The following RALGDS variants were observed in gnomAD, a reference collection of about 807,000 sequenced individuals.
The protein encoded by RALGDS is ral guanine nucleotide exchange factor.
RALGDS carries 44 observed loss-of-function variants against 99.8 expected under a neutral mutation model. The observed-to-expected ratio is 0.44, with a 90% CI of 0.35 to 0.57. RALGDS has a LOEUF of 0.57. Among genes scored for constraint, RALGDS ranks in the 20% least tolerant of loss-of-function variants. RALGDS has a pLI of 0.01. For missense variants in RALGDS, 1,022 were observed against 1,203.1 expected (o/e 0.85, Z 2.23); for synonymous variants, 529 against 505.0 (o/e 1.05, Z -0.64).
In RALGDS at chr9:133,108,981, T is replaced by C. The variant is rs1328282288; in HGVS notation, c.585-115A>G. Reference sequence around the variant, plus strand: ...CCACCTGCCCCGGCCCAAGCCCCCTTGGCTGTCCAGCTAAAAGAACCAAGG... The same window carrying C: ...CCACCTGCCCCGGCCCAAGCCCCCTCGGCTGTCCAGCTAAAAGAACCAAGG... On this transcript the variant is annotated intron_variant, in intron 4 of 17. Transcript: ENST00000372050. 2.8e-6 allele frequency: 3 copies of C among 1,061,148 alleles called. No individual in the cohort carries two copies. The African/African-American group carries it at 4.7e-5, about 17-fold the overall frequency. 65.7% of individuals were successfully genotyped at this position (1,061,148 alleles called of 1,614,324 possible).
intron 6 of RALGDS, 143 bp downstream of exon 6, chr9:133,107,845 G>A: frequency 1.8e-6 from 2 of 1,082,764 alleles, no homozygotes; most frequent in South Asian, 1.4e-5. Flanking sequence ...TGGGGTTAAG[G>A]AACGACCTGG....
At chr9:133,128,867 A>G (rs997699014) in intron 1 of RALGDS, among the ~76,000 whole-genome samples, 3 of 152,198 alleles carry the variant, frequency 2.0e-5, no homozygotes, top group African/African-American at 7.2e-5. Flanking sequence ...CTGCCAGGAC[A>G]GCCCGCAGCC....
intron 2 of RALGDS, among the ~76,000 whole-genome samples, chr9:133,111,107 C>T (rs557557198): frequency 5.2e-4 from 79 of 152,208 alleles, no homozygotes; most frequent in Middle Eastern, 3.4e-3. Context: ...ATTTGAGGTG[C>T]GGGAATGATT....
At position 133,110,629 on chromosome 9, in the gene RALGDS, A is replaced by G. The variant is rs545371021; in HGVS notation, c.295-140T>C. ...CTAGCAGAAAAAGGTTATCAGCTTT[A>G]AAAGTAGAATTTCAGGCCAGGTGTG... On this transcript the variant is annotated intron_variant, in intron 2 of 17. Transcript: ENST00000372050. The G allele has an allele frequency of 3.4e-5, 27 of 795,826 alleles. 2 individuals are homozygous for G. Among genetic ancestry groups the G allele is most frequent in the African/African-American group, 1.2e-4 (7 of 58,886 alleles). 49.3% of individuals were successfully genotyped at this position (795,826 alleles called of 1,614,324 possible).
chr9:133,126,403 C>A (rs1031552653), intron 1 of RALGDS, among the ~76,000 whole-genome samples: 1 of 152,198 alleles, frequency 6.6e-6, no homozygotes, highest in East Asian at 1.9e-4. Context: ...GTTTGGCTTG[C>A]GAAGTGTTTT....
chr9:133,124,751 A>C (rs1478358714), upstream of RALGDS, among the ~76,000 whole-genome samples: 1 of 152,230 alleles, frequency 6.6e-6, no homozygotes, highest in East Asian at 1.9e-4. Context: ...CGCCTCCTGC[A>C]TGCAAGACCC....
At position 133,108,603 on chromosome 9, in the gene RALGDS, C is replaced by T. The variant is rs562292351; in HGVS notation, c.778+70G>A. 1.8e-5 allele frequency: 28 copies of T among 1,577,970 alleles called. No individual in the cohort carries two copies. In the African/African-American group the frequency reaches 3.4e-4, roughly 19 times the overall value. On this transcript the variant is annotated intron_variant, in intron 5 of 17. Transcript: ENST00000372050. ...CTGACCCAGCACCAGACCCTGGAGC[C>T]TCCTCTTCGTGTGGCCCAGCACCGA...
chr9:133,127,994 C>T (rs1832215924), intron 1 of RALGDS, among the ~76,000 whole-genome samples: 1 of 152,186 alleles, frequency 6.6e-6, no homozygotes, highest in African/African-American at 2.4e-5. Context: ...TGCTGTCATC[C>T]CTTGGAAATG....
Position 133,112,055 on chromosome 9 carries a change from T to G in RALGDS, c.281A>C (p.Gln94Pro), listed in dbSNP as rs757539850. The part of the protein sequence containing the change: ...VQLHHGGNKG[Q>P]RWLGYENESA... ...GAGCGCACTCACCCCGAGCCAGCGC[T>G]GCCCCTTGTTGCCTCCGTGGTGCAG... Residue 94 changes from glutamine (Q) to proline (P), a missense_variant, in exon 2 of 18, where the codon CAG becomes CCG. Gln to Pro is a moderately conservative substitution (Grantham distance 76). This residue lies in a region of RALGDS where 180 missense variants were observed against 169.3 expected (regional missense o/e 1.06). Transcript: ENST00000372050. 5.1e-6 allele frequency: 8 copies of G among 1,578,718 alleles called. No individual in the cohort carries two copies. The highest frequency in any genetic ancestry group is 6.0e-6 in the Non-Finnish European group (7 of 1,161,280).
At position 133,110,291 on chromosome 9, in the gene RALGDS, C is replaced by T. The variant is rs1287998599; in HGVS notation, c.488+5G>A. 2.5e-6 allele frequency: 4 copies of T among 1,612,762 alleles called. No homozygotes were observed. The East Asian group carries it at 6.7e-5, about 27-fold the overall frequency. ...CACCCTGTGCAGTGGAGGGCTCATG[C>T]TCACCTTTTGAACAGCAGGTCCAGG... On this transcript the variant is annotated splice_donor_5th_base_variant and intron_variant, in intron 3 of 17. Coordinates refer to ENST00000372050, the MANE Select transcript of RALGDS (RefSeq NM_006266.4).
intron 1 of RALGDS, among the ~76,000 whole-genome samples, chr9:133,141,307 ACTGC>A (rs1449682372): frequency 6.6e-6 from 1 of 151,998 alleles, no homozygotes; most frequent in African/African-American, 2.4e-5. Context: ...CCACCATTCT[ACTGC>A]CCCACCCTCT....
Position 133,144,676 on chromosome 9 carries a change from G to T in RALGDS, c.18+4287C>A, listed in dbSNP as rs899404723. On this transcript the variant is annotated intron_variant, in intron 1 of 17. Coordinates refer to the RALGDS transcript ENST00000393160. This position sits in a 1 kb window ranked among gnomAD's most constrained non-coding sequence, Gnocchi z 4.5. ...GCTCACGCCCCCACACCCCCTGGCT[G>T]GGGGCTGGGTTCCTGCGATGTCTTC... is the stretch of plus-strand genomic sequence containing the variant. 2.0e-5 allele frequency among the ~76,000 whole-genome samples: 3 copies of T among 152,342 alleles called. No individual in the cohort carries two copies. The highest frequency in any genetic ancestry group is 2.0e-4 in the Admixed American group (3 of 15,306).
At chr9:133,141,444 C>T (rs1418105283) in intron 1 of RALGDS, among the ~76,000 whole-genome samples, 1 of 101,786 alleles carries the variant, frequency 9.8e-6, no homozygotes, top group Non-Finnish European at 2.3e-5. Flanking sequence ...TAAGGCAGCC[C>T]CTATGGGAGC....
chr9:133,113,554 C>T (rs1831450651), intron 1 of RALGDS, among the ~76,000 whole-genome samples: 1 of 152,230 alleles, frequency 6.6e-6, no homozygotes, highest in African/African-American at 2.4e-5. Flanking sequence ...CACTCACACC[C>T]ACACCCCACA....
upstream of RALGDS, among the ~76,000 whole-genome samples, chr9:133,123,261 T>A (rs1832011824): frequency 6.6e-6 from 1 of 152,204 alleles, no homozygotes; most frequent in African/African-American, 2.4e-5. Context: ...AGAAGCTGCC[T>A]GCCACTGACT....
Position 133,107,065 on chromosome 9 carries a change from AG to A in RALGDS, c.1413+19del. 1.9e-6 allele frequency: 3 copies of A among 1,611,936 alleles called. No homozygotes were observed. Among genetic ancestry groups the A allele is most frequent in the Non-Finnish European group, 2.5e-6 (3 of 1,179,052 alleles). On this transcript the variant is annotated intron_variant, in intron 7 of 17. Transcript: ENST00000372050. Reference sequence around the variant, plus strand: ...ACAGATGAAGCCAAAGTGGGGGCCCAGGCCCCTCCTCTGGCATACCCTGGCC... The same window carrying A: ...ACAGATGAAGCCAAAGTGGGGGCCCAGCCCCTCCTCTGGCATACCCTGGCC...
intron 3 of RALGDS, 39 bp from the exon 4 acceptor site, chr9:133,109,760 C>T: frequency 6.4e-7 from 1 of 1,556,764 alleles, no homozygotes; most frequent in Non-Finnish European, 8.9e-7. Flanking sequence ...GACTCTCCGA[C>T]TAGAACGGAG....
chr9:133,114,617 C>A (rs534859272), intron 1 of RALGDS, among the ~76,000 whole-genome samples: 1 of 152,242 alleles, frequency 6.6e-6, no homozygotes, highest in East Asian at 1.9e-4. Flanking sequence ...TCTGGCCGGG[C>A]TGGGAGCTCA....
intron 5 of RALGDS, 119 bp downstream of exon 5, chr9:133,108,554 G>A: frequency 1.4e-6 from 2 of 1,437,346 alleles, no homozygotes; most frequent in Non-Finnish European, 1.9e-6. Context: ...CCCTGCCTGT[G>A]TGGTCTGAGG....
Sources: allele counts gnomAD v4.1 joint callset (sites outside exome capture counted in the v4.1 genomes callset), GRCh38; gene constraint gnomAD v4.1.1; regional missense constraint gnomAD v4.1.1; non-coding constraint Gnocchi (gnomAD v3.1); transcripts MANE v1.5; gene names NCBI Gene and HGNC (gene_info 2026-07-23, HGNC 2026-07-21).